The following CCDC6 variants were observed in gnomAD, a reference collection of about 807,000 sequenced individuals.
The protein encoded by CCDC6 is coiled-coil domain containing 6, also known as coiled-coil domain-containing protein 6.
A neutral mutation model predicts 56.6 loss-of-function variants in CCDC6; 20 were observed. The ratio of observed to expected loss-of-function variants is 0.35; its 90% CI spans 0.25 to 0.51. The LOEUF is 0.51. Ranked by LOEUF, CCDC6 falls within the 20% of genes least tolerant of loss-of-function variation. CCDC6 has a pLI of 0.95. For synonymous variants in CCDC6, 241 were observed against 234.4 expected (o/e 1.03, Z -0.26); for missense variants, 367 against 601.1 (o/e 0.61, Z 4.07).
intron 1 of CCDC6, among the ~76,000 whole-genome samples, chr10:59,872,359 G>A (rs958261885): frequency 2.0e-5 from 3 of 152,176 alleles, no homozygotes; most frequent in African/African-American, 7.2e-5. Context: ...GTTAAGATAC[G>A]GAGACTTAAG....
In CCDC6 at chr10:59,816,157, C is replaced by T. The variant is rs958616376; in HGVS notation, c.583-1402G>A. Among the ~76,000 whole-genome samples, 9 of 152,138 alleles carry T rather than the reference C, an allele frequency of 5.9e-5. No homozygotes were observed. The South Asian group carries it at 6.2e-4, about 11-fold the overall frequency. On this transcript the variant is annotated intron_variant, in intron 3 of 8. Transcript: ENST00000263102. ...TGAAGGTGAGCAGCTACTTGTTCCACATCTGAGCCAGAATGAATATGCATA... is the reference window on the plus strand; with the variant it reads ...TGAAGGTGAGCAGCTACTTGTTCCATATCTGAGCCAGAATGAATATGCATA...
chr10:59,823,373 C>T (rs544673401), intron 3 of CCDC6, among the ~76,000 whole-genome samples: 1 of 152,300 alleles, frequency 6.6e-6, no homozygotes, highest in African/African-American at 2.4e-5. Flanking sequence ...GATGCTGCTA[C>T]GGGGCCAGCA....
chr10:59,866,292 T>C lies in CCDC6; in HGVS notation c.304-13590A>G, dbSNP rs118085513. Among the ~76,000 whole-genome samples the C allele has an allele frequency of 7.0e-3, 1,065 of 152,268 alleles. 4 individuals carry two copies. Among genetic ancestry groups the C allele is most frequent in the Middle Eastern group, 0.014 (4 of 294 alleles). ...AATGATCTTGTCTTGGCTACATAAA[T>C]AGCCTCAAGAATAAAGAGATTTAAA... On this transcript the variant is annotated intron_variant, in intron 1 of 8. Coordinates refer to ENST00000263102, the MANE Select transcript of CCDC6 (RefSeq NM_005436.5).
At chr10:59,863,233 A>G (rs1303839812) in intron 1 of CCDC6, among the ~76,000 whole-genome samples, 2 of 152,236 alleles carry the variant, frequency 1.3e-5, no homozygotes, top group African/African-American at 4.8e-5. Context: ...CAATGGTATC[A>G]GTACCATTCT....
intron 3 of CCDC6, among the ~76,000 whole-genome samples, chr10:59,820,939 G>A (rs1306915968): frequency 6.7e-6 from 1 of 150,348 alleles, no homozygotes; most frequent in African/African-American, 2.5e-5. Flanking sequence ...ACTTCCCAAA[G>A]CCTTTCAGCT....
intron 2 of CCDC6, among the ~76,000 whole-genome samples, chr10:59,840,991 C>A (rs562261340): frequency 6.6e-6 from 1 of 152,192 alleles, no homozygotes; most frequent in Non-Finnish European, 1.5e-5. Flanking sequence ...ATTTTAAGAG[C>A]TATGTAGGAT....
intron 6 of CCDC6, 87 bp downstream of exon 6, chr10:59,806,835 A>G: frequency 7.8e-7 from 1 of 1,275,682 alleles, no homozygotes; most frequent in Non-Finnish European, 1.1e-6. Context: ...ATCCCCTTAT[A>G]CACCTAACAG....
intron 3 of CCDC6, among the ~76,000 whole-genome samples, chr10:59,830,159 T>C (rs980204860): frequency 1.3e-5 from 2 of 152,230 alleles, no homozygotes; most frequent in African/African-American, 4.8e-5. Flanking sequence ...TTTAAAAGCA[T>C]TGACTGTCAG....
intron 1 of CCDC6, among the ~76,000 whole-genome samples, chr10:59,876,385 C>CACTG (rs1390472570): frequency 6.6e-6 from 1 of 152,050 alleles, no homozygotes; most frequent in African/African-American, 2.4e-5. Context: ...TGATGCATTA[C>CACTG]ATGCCCAGCT....
intron 1 of CCDC6, among the ~76,000 whole-genome samples, chr10:59,856,016 C>T (rs560908103): frequency 5.3e-5 from 8 of 152,340 alleles, no homozygotes; most frequent in Non-Finnish European, 8.8e-5. Flanking sequence ...GAAAATGCCA[C>T]TCTCAGGACC....
At chr10:59,844,760 A>AGAG (rs3999572) in intron 2 of CCDC6, among the ~76,000 whole-genome samples, 2,194 of 88,960 alleles carry the variant, frequency 0.025, 16 homozygotes, top group Middle Eastern at 0.07. Context: ...AAAAAAAAAA[A>AGAG]AAAGAGAGAG....
At chr10:59,798,634 AC>A (rs549172070) in intron 7 of CCDC6, among the ~76,000 whole-genome samples, 11 of 152,250 alleles carry the variant, frequency 7.2e-5, no homozygotes, top group African/African-American at 1.7e-4. Context: ...CTTTAAAAAA[AC>A]ATTGGAGAAT....
intron 1 of CCDC6, among the ~76,000 whole-genome samples, chr10:59,861,432 C>CAAAAAAAAAAAAAAAAAAAAAAAAAAAAA (rs55716341): frequency 1.1e-5 from 1 of 88,972 alleles, no homozygotes; most frequent in Non-Finnish European, 2.2e-5. Flanking sequence ...CAAAAATTAC[C>CAAAAAAAAAAAAAAAAAAAAAAAAAAAAA]AAAAAAAAAA....
chr10:59,895,174 C>G (rs1200627461), intron 1 of CCDC6, among the ~76,000 whole-genome samples: 1 of 152,134 alleles, frequency 6.6e-6, no homozygotes, highest in Non-Finnish European at 1.5e-5. Flanking sequence ...TGGTGGCACA[C>G]ATCTGCAGTC....
chr10:59,797,995 T>G (rs1230024013), intron 7 of CCDC6, among the ~76,000 whole-genome samples: 3 of 152,178 alleles, frequency 2.0e-5, no homozygotes, highest in African/African-American at 7.2e-5. Context: ...ACATGTGGCA[T>G]GTGAAGCCCT....
chr10:59,823,367 C>T (rs540849090), intron 3 of CCDC6, among the ~76,000 whole-genome samples: 2 of 152,288 alleles, frequency 1.3e-5, no homozygotes, highest in South Asian at 4.1e-4. Flanking sequence ...CGCCTAGATG[C>T]TGCTACGGGG....
At chr10:59,798,627 T>C (rs1286438459) in intron 7 of CCDC6, among the ~76,000 whole-genome samples, 1 of 152,134 alleles carries the variant, frequency 6.6e-6, no homozygotes, top group African/African-American at 2.4e-5. Context: ...TTGTTTTCTT[T>C]AAAAAAACAT....
At chr10:59,888,457 A>C (rs1295576034) in intron 1 of CCDC6, among the ~76,000 whole-genome samples, 1 of 152,160 alleles carries the variant, frequency 6.6e-6, no homozygotes, top group Non-Finnish European at 1.5e-5. Flanking sequence ...CAGAACCAGC[A>C]AAACTGGGAT....
At chr10:59,876,665 C>T (rs2071284411) in intron 1 of CCDC6, among the ~76,000 whole-genome samples, 1 of 149,002 alleles carries the variant, frequency 6.7e-6, no homozygotes, top group African/African-American at 2.5e-5. Context: ...CCAAAGGCCA[C>T]TTTTACACAG....
Sources: allele counts gnomAD v4.1 joint callset (sites outside exome capture counted in the v4.1 genomes callset), GRCh38; gene constraint gnomAD v4.1.1; transcripts MANE v1.5; gene names NCBI Gene and HGNC (gene_info 2026-07-23, HGNC 2026-07-21).